The following ADAMTS7 variants were observed in gnomAD, a reference collection of about 807,000 sequenced individuals.
ADAMTS7 encodes A disintegrin and metalloproteinase with thrombospondin motifs 7.
A neutral mutation model predicts 172.6 loss-of-function variants in ADAMTS7; 89 were observed. The observed-to-expected ratio is 0.52, with a 90% CI of 0.43 to 0.61. The LOEUF (loss-of-function observed/expected upper bound fraction) is 0.61. Among genes scored for constraint, ADAMTS7 ranks in the 20% least tolerant of loss-of-function variants. ADAMTS7 has a pLI of 0.00. For missense variants in ADAMTS7, 1,973 were observed against 2,355.6 expected (o/e 0.84, Z 3.36); for synonymous variants, 885 against 978.4 (o/e 0.90, Z 1.78).
intron 1 of ADAMTS7, among the ~76,000 whole-genome samples, chr15:78,804,203 C>T (rs544588325): frequency 6.6e-6 from 1 of 152,354 alleles, no homozygotes; most frequent in Non-Finnish European, 1.5e-5. Flanking sequence ...CAGTCCATCC[C>T]TTACTGGGCC....
Position 78,790,678 on chromosome 15 carries a change from C to G in ADAMTS7, c.1020G>C (p.Leu340=), listed in dbSNP as rs1273581163. 1 of 1,613,724 alleles carries G rather than the reference C, an allele frequency of 6.2e-7. No homozygotes were observed. Among genetic ancestry groups the G allele is most frequent in the Non-Finnish European group, 8.5e-7 (1 of 1,180,004 alleles). ...AHPLHHDTAI[L]LTRKDLCAAM... is the part of the protein sequence containing the mutation. ...TCCTGCGGCTGCAGTACCTGGTGAG[C>G]AGGATGGCAGTGTCATGGTGCAGGG... The change falls in exon 6 of 24, where the codon CTG becomes CTC. Residue 340 remains leucine, a synonymous_variant. Transcript: ENST00000388820.
intron 8 of ADAMTS7, 90 bp downstream of exon 8, chr15:78,788,141 C>G: frequency 6.5e-7 from 1 of 1,539,112 alleles, no homozygotes; most frequent in East Asian, 2.3e-5. Flanking sequence ...TTCCCTCTAC[C>G]CCGGCCCTGC....
In ADAMTS7 at chr15:78,767,544, C is replaced by T; in HGVS notation, c.2694G>A (p.Gly898=). The change falls in exon 18 of 24, where the codon GGG becomes GGA. Residue 898 remains glycine (G), a synonymous_variant. Transcript: ENST00000388820. ...WQLCSSSCGP[G]GLSRRAVLCI... ...AGAGCACGGCCCGGCGGGAGAGGCC[C>T]CCAGGCCCGCAGGAGCTGGAGCACA... 2 of 1,577,008 alleles carry T rather than the reference C, an allele frequency of 1.3e-6. No homozygotes were observed. Among genetic ancestry groups the T allele is most frequent in the Non-Finnish European group, 1.7e-6 (2 of 1,162,724 alleles).
chr15:78,764,703 G>A lies in ADAMTS7; in HGVS notation c.4271C>T (p.Ser1424Phe). 6.5e-7 allele frequency: 1 copy of A among 1,530,542 alleles called. No individual in the cohort carries two copies. Among genetic ancestry groups the A allele is most frequent in the Non-Finnish European group, 8.7e-7 (1 of 1,147,402 alleles). 94.8% of individuals were successfully genotyped at this position (1,530,542 alleles called of 1,614,324 possible). A position where few individuals can be genotyped will look rare whatever the true frequency, so the allele number is the denominator to read the frequency against. The change falls in exon 20 of 24, where the codon TCT becomes TTT. Residue 1424 changes from serine to phenylalanine, a missense_variant. Physicochemically the swap from Ser to Phe is radical, Grantham distance 155 (BLOSUM62 -2). Around this residue, in one of 8 missense-constraint regions of ADAMTS7, gnomAD observed 3 missense variants for 17.6 expected, o/e 0.17. Coordinates refer to ENST00000388820, the MANE Select transcript of ADAMTS7 (RefSeq NM_014272.5). ...GWQAGNWSEC[S>F]TTCGLGAVWR... ...GACCGCACCCAGGCCACAGGTGGTA[G>A]AGCACTGCGGGGCAGAGACCCGTGA...
At chr15:78,773,738 C>T (rs988122279) in intron 13 of ADAMTS7, among the ~76,000 whole-genome samples, 12 of 152,190 alleles carry the variant, frequency 7.9e-5, no homozygotes, top group Middle Eastern at 3.4e-3. Context: ...CTACTCTTTG[C>T]GGCTCAGAGC....
chr15:78,811,339 G>C lies in ADAMTS7; in HGVS notation c.-119C>G, dbSNP rs2055864600. 1 of 1,167,998 alleles carries C rather than the reference G, an allele frequency of 8.6e-7. No individual in the cohort carries two copies. The highest frequency in any genetic ancestry group is 1.6e-5 in the African/African-American group (1 of 62,722). The allele number at this position is 1,167,998 out of a possible 1,614,324, so 72.4% of individuals were successfully genotyped here. A position where few individuals can be genotyped will look rare whatever the true frequency, so the allele number is the denominator to read the frequency against. On this transcript the variant is annotated 5_prime_UTR_variant, in exon 1 of 24. Transcript: ENST00000388820. Reference sequence around the variant, plus strand: ...GCCCGGCCGGCGTGCAGCTCCCGGCGACCCGGCCCCGACTCCGTTCGGCTG... The same window carrying C: ...GCCCGGCCGGCGTGCAGCTCCCGGCCACCCGGCCCCGACTCCGTTCGGCTG...
chr15:78,774,668 A>G lies in ADAMTS7; in HGVS notation c.1832T>C (p.Leu611Pro), dbSNP rs1471518191. Reference protein sequence around the residue: ...HVQCSHFDAMLYKGQLHTWVP... With the variant: ...HVQCSHFDAMPYKGQLHTWVP... ...CCATGTGTGCAGCTGGCCCTTGTAG[A>G]GCATAGCGTCAAAGTGGCTGCACTG... is the stretch of plus-strand genomic sequence containing the variant. The change falls in exon 12 of 24, where the codon CTC becomes CCC. Residue 611 changes from leucine (L) to proline (P), a missense_variant. Leu to Pro is a moderately conservative substitution (Grantham distance 98). Coordinates refer to ENST00000388820, the MANE Select transcript of ADAMTS7 (RefSeq NM_014272.5). 6 of 1,611,548 alleles carry G rather than the reference A, an allele frequency of 3.7e-6. No individual in the cohort carries two copies. The highest frequency in any genetic ancestry group is 2.2e-4 in the Middle Eastern group (1 of 4,450).
At chr15:78,791,282 G>GCCCCCGGGC in intron 4 of ADAMTS7, 59 bp from the exon 5 acceptor site, 1 of 1,488,264 alleles carries the variant, frequency 6.7e-7, no homozygotes, top group Non-Finnish European at 9.1e-7. Context: ...AGCAGCCAAT[G>GCCCCCGGGC]CCCACCCCAA....
Position 78,771,192 on chromosome 15 carries a change from AG to A in ADAMTS7, c.2487del (p.Trp830GlyfsTer127). On this transcript the variant is annotated frameshift_variant, in exon 16 of 24. Transcript: ENST00000388820. LOFTEE classifies it high-confidence loss of function. This position sits in a 1 kb window ranked among gnomAD's most constrained non-coding sequence, Gnocchi z 4.9. ...PPPVFSWHYGPWTKCTVTCGR... is the reference protein window; with the variant it reads ...PPPVFSWHYGXWTKCTVTCGR... ...CCGCAGGTGACTGTGCACTTGGTCC[AG>A]GGCCCATAATGCCAGGAGAACACGG... 1 of 1,611,382 alleles carries A rather than the reference AG, an allele frequency of 6.2e-7. No homozygotes were observed. The highest frequency in any genetic ancestry group is 1.1e-5 in the South Asian group (1 of 90,774).
In ADAMTS7 at chr15:78,766,681, G is replaced by C; in HGVS notation, c.3230C>G (p.Ser1077Cys). The C allele has an allele frequency of 1.2e-6, 2 of 1,610,952 alleles. No homozygotes were observed. Among genetic ancestry groups the C allele is most frequent in the South Asian group, 1.1e-5 (1 of 90,994 alleles). The change falls in exon 19 of 24, where the codon TCC becomes TGC. Residue 1077 changes from serine to cysteine, a missense_variant. Ser to Cys is a moderately radical substitution (Grantham distance 112). Coordinates refer to ENST00000388820, the MANE Select transcript of ADAMTS7 (RefSeq NM_014272.5). Reference sequence around the variant, plus strand: ...ATCGGGCTCCTCAGAGGGCCCGTAGGACAGATCCTCGTGGAAATTGATGAA... The same window carrying C: ...ATCGGGCTCCTCAGAGGGCCCGTAGCACAGATCCTCGTGGAAATTGATGAA... ...YNFINFHEDL[S>C]YGPSEEPDLD...
intron 23 of ADAMTS7, chr15:78,761,767 C>G: frequency 1.2e-6 from 1 of 823,354 alleles, no homozygotes; most frequent in Non-Finnish European, 1.5e-6. Context: ...TGTGCGCGCA[C>G]GCACACATGC....
chr15:78,787,911 G>C (rs543750463), intron 8 of ADAMTS7, among the ~76,000 whole-genome samples: 1 of 152,170 alleles, frequency 6.6e-6, no homozygotes, highest in African/African-American at 2.4e-5. Context: ...CCTTTCTCAG[G>C]CTTCCTCTAC....
rs1463670873 is a variant in ADAMTS7, at chr15:78,771,834, C to T, written c.2132-5G>A. 2 of 1,609,004 alleles carry T rather than the reference C, an allele frequency of 1.2e-6. No homozygotes were observed. The highest frequency in any genetic ancestry group is 8.5e-7 in the Non-Finnish European group (1 of 1,179,644). On this transcript the variant is annotated splice_polypyrimidine_tract_variant and splice_region_variant and intron_variant, in intron 14 of 23. Coordinates refer to ENST00000388820, the MANE Select transcript of ADAMTS7 (RefSeq NM_014272.5). This position sits in a 1 kb window ranked among gnomAD's most constrained non-coding sequence, Gnocchi z 4.9. ...TCAGCCCCACATCCACATACCCTGT[C>T]AGCCAAGGGTTGTGCATAGGTTGTG... is the stretch of plus-strand genomic sequence containing the variant.
rs1023610968 is a variant in ADAMTS7, at chr15:78,777,691, G to GCC, written c.1323-105_1323-104dup. 76 of 1,407,982 alleles carry GCC rather than the reference G, an allele frequency of 5.4e-5. No homozygotes were observed. The African/African-American group carries it at 1.0e-3, about 19-fold the overall frequency. 87.2% of individuals were successfully genotyped at this position (1,407,982 alleles called of 1,614,324 possible). A position where few individuals can be genotyped will look rare whatever the true frequency, so the allele number is the denominator to read the frequency against. ...GAGGAGAGGTGGGAGGGGGCACAGA[G>GCC]CCCTACAACTGTAGGAAACTCCAGC... On this transcript the variant is annotated intron_variant, in intron 8 of 23. Coordinates refer to ENST00000388820, the MANE Select transcript of ADAMTS7 (RefSeq NM_014272.5).
At position 78,789,814 on chromosome 15, in the gene ADAMTS7, G is replaced by A; in HGVS notation, c.1053C>T (p.Asn351=). The change falls in exon 7 of 24, where the codon AAC becomes AAT. Residue 351 remains asparagine (N), a synonymous_variant. Coordinates refer to ENST00000388820, the MANE Select transcript of ADAMTS7 (RefSeq NM_014272.5). ...LTRKDLCAAM[N]RPCETLGLSH... ...ACAGTCCCAGGGTCTCACAGGGCCG[G>A]TTCATGGCTGCACACAGGTCCTTTC... is the stretch of plus-strand genomic sequence containing the variant. 6.2e-7 allele frequency: 1 copy of A among 1,600,646 alleles called. No homozygotes were observed. The highest frequency in any genetic ancestry group is 8.5e-7 in the Non-Finnish European group (1 of 1,174,122).
At position 78,796,229 on chromosome 15, in the gene ADAMTS7, C is replaced by T. The variant is rs112657981; in HGVS notation, c.819+361G>A. On this transcript the variant is annotated intron_variant, in intron 4 of 23. Transcript: ENST00000388820. Reference sequence around the variant, plus strand: ...TGTGTTTCCAGCATCTAGCACAGGTCCTGACACAAAGGAAGGAAGTATCTG... The same window carrying T: ...TGTGTTTCCAGCATCTAGCACAGGTTCTGACACAAAGGAAGGAAGTATCTG... Among the ~76,000 whole-genome samples the T allele has an allele frequency of 2.0e-5, 3 of 152,280 alleles. 1 individual carries two copies. Among genetic ancestry groups the T allele is most frequent in the African/African-American group, 7.2e-5 (3 of 41,546 alleles).
intron 8 of ADAMTS7, among the ~76,000 whole-genome samples, chr15:78,783,880 A>T (rs1297904437): frequency 6.8e-6 from 1 of 147,800 alleles, no homozygotes; most frequent in Non-Finnish European, 1.5e-5. Flanking sequence ...TGAACTGCTA[A>T]GTATAATGCA....
Position 78,776,307 on chromosome 15 carries a change from G to C in ADAMTS7, c.1587C>G (p.Pro529=), listed in dbSNP as rs59275951. 1 of 1,611,762 alleles carries C rather than the reference G, an allele frequency of 6.2e-7. No homozygotes were observed. The highest frequency in any genetic ancestry group is 8.5e-7 in the Non-Finnish European group (1 of 1,179,794). ...CCACGGCCTCGGGCCGGAAGCCCAC[G>C]GGTACGCACTCCCCACTGAGACACC... The part of the protein sequence containing the change: ...NKWCLSGECV[P]VGFRPEAVDG... The change falls in exon 11 of 24, where the codon CCC becomes CCG. Residue 529 remains proline, a synonymous_variant. Transcript: ENST00000388820.
rs768312898 is a variant in ADAMTS7 at position 78,766,725 on chromosome 15, G to A, written c.3186C>T (p.Asp1062=). The change falls in exon 19 of 24, where the codon GAC becomes GAT. Residue 1062 remains aspartate (D), a synonymous_variant. Transcript: ENST00000388820. ...LDLPGPVFVD[D]FYYDYNFINF... The stretch of plus-strand genomic sequence containing the variant: ...TGATGAAATTGTAGTCGTAGTAGAA[G>A]TCGTCCACAAACACGGGCCCCGGCA... 2.5e-6 allele frequency: 4 copies of A among 1,610,848 alleles called. No individual in the cohort carries two copies. The East Asian group carries it at 6.7e-5, about 27-fold the overall frequency.
Sources: gnomAD v4.1 joint callset for allele counts (sites outside exome capture counted in the v4.1 genomes callset) on GRCh38, gnomAD v4.1.1 for gene constraint, gnomAD v4.1.1 regional missense constraint, Gnocchi (gnomAD v3.1) non-coding constraint, MANE v1.5 for transcripts, NCBI Gene and HGNC (gene_info 2026-07-23, HGNC 2026-07-21) for gene names.